ATP10A: variants seen among roughly 807,000 people sequenced by gnomAD.
ATP10A encodes phospholipid-transporting ATPase VA.
ATP10A carries 111 observed loss-of-function variants against 147.8 expected under a neutral mutation model. That is an observed-to-expected ratio of 0.75 (90% CI 0.64 to 0.88). The LOEUF (loss-of-function observed/expected upper bound fraction) is 0.88. Among genes scored for constraint, ATP10A ranks in the 40% least tolerant of loss-of-function variants. The pLI is 0.00. For missense variants in ATP10A, 1,927 were observed against 1,959.0 expected, an observed-to-expected ratio of 0.98 and a Z score of 0.31; for synonymous variants, 875 against 841.6, an observed-to-expected ratio of 1.04 and a Z score of -0.69.
intron 2 of ATP10A, among the ~76,000 whole-genome samples, chr15:25,776,075 G>A (rs754597424): frequency 6.6e-6 from 1 of 152,220 alleles, no homozygotes; most frequent in Non-Finnish European, 1.5e-5. Context: ...TAAATGCTCA[G>A]TACGTATCTG....
At chr15:25,736,620 G>T (rs1288493134) in intron 2 of ATP10A, among the ~76,000 whole-genome samples, 1 of 152,196 alleles carries the variant, frequency 6.6e-6, no homozygotes, top group East Asian at 1.9e-4. Flanking sequence ...GCCAATGAGT[G>T]AGCCAACAAC....
intron 10 of ATP10A, among the ~76,000 whole-genome samples, chr15:25,713,184 T>C (rs1272694001): frequency 6.6e-6 from 1 of 152,060 alleles, no homozygotes; most frequent in Non-Finnish European, 1.5e-5. Flanking sequence ...GAGAGGTGGG[T>C]GGCCAGGTTC....
chr15:25,784,213 T>C (rs931005459), intron 1 of ATP10A, among the ~76,000 whole-genome samples: 1 of 152,172 alleles, frequency 6.6e-6, no homozygotes, highest in African/African-American at 2.4e-5. Context: ...AGTCACAGTT[T>C]GCTCTCAGAG....
At chr15:25,747,305 A>G (rs1274381702) in intron 2 of ATP10A, among the ~76,000 whole-genome samples, 7 of 136,016 alleles carry the variant, frequency 5.1e-5, no homozygotes, top group Middle Eastern at 3.7e-3. Flanking sequence ...AAAAAAAAAA[A>G]AGAAAAAGAA....
intron 1 of ATP10A, among the ~76,000 whole-genome samples, chr15:25,820,371 T>A (rs1367850847): frequency 7.2e-5 from 11 of 152,142 alleles, no homozygotes; most frequent in Admixed American, 7.2e-4. Flanking sequence ...TCTGAAAGAC[T>A]TAAAAAGGAA....
At position 25,713,822 on chromosome 15, in the gene ATP10A, G is replaced by A. The variant is rs1037764672; in HGVS notation, c.2196C>T (p.Leu732=). The A allele has an allele frequency of 6.2e-7, 1 of 1,613,952 alleles. No individual in the cohort carries two copies. The highest frequency in any genetic ancestry group is 8.5e-7 in the Non-Finnish European group (1 of 1,180,036). The change falls in exon 10 of 21, where the codon CTC becomes CTT. Residue 732 remains leucine (L), a synonymous_variant. Coordinates refer to ENST00000555815, the MANE Select transcript of ATP10A (RefSeq NM_024490.4). Reference sequence around the variant, plus strand: ...CCAGTGTGTGCAGGAGCTCGAAGGTGAGCCTGCCCAGGTGGGGCAGCTCCA... The same window carrying A: ...CCAGTGTGTGCAGGAGCTCGAAGGTAAGCCTGCCCAGGTGGGGCAGCTCCA... The part of the protein sequence containing the change: ...VSVELPHLGR[L]TFELLHTLGF...
chr15:25,724,854 C>T (rs1264152396), intron 5 of ATP10A, among the ~76,000 whole-genome samples: 4 of 152,174 alleles, frequency 2.6e-5, no homozygotes, highest in Admixed American at 6.5e-5. Context: ...TGGATTCAAC[C>T]AACCATGGAC....
At chr15:25,774,859 G>A (rs901955498) in intron 2 of ATP10A, among the ~76,000 whole-genome samples, 1 of 152,084 alleles carries the variant, frequency 6.6e-6, no homozygotes, top group African/African-American at 2.4e-5. Flanking sequence ...TTATTGTATT[G>A]TCAAAGTCAT....
chr15:25,819,199 A>T (rs565904847), intron 1 of ATP10A, among the ~76,000 whole-genome samples: 1 of 152,336 alleles, frequency 6.6e-6, no homozygotes, highest in African/African-American at 2.4e-5. Flanking sequence ...ATTAACATCC[A>T]GAATTTACAA....
intron 2 of ATP10A, among the ~76,000 whole-genome samples, chr15:25,772,042 G>A (rs1315102635): frequency 1.3e-5 from 2 of 152,106 alleles, no homozygotes; most frequent in Non-Finnish European, 2.9e-5. Flanking sequence ...GTGAGCCATC[G>A]CGCCCGGCCT....
At chr15:25,673,275 G>A (rs978892762), downstream of ATP10A, among the ~76,000 whole-genome samples, 2 of 152,156 alleles carry the variant, frequency 1.3e-5, no homozygotes, top group African/African-American at 2.4e-5. Flanking sequence ...GGGCGGAGGA[G>A]GCCCCTGCTA....
At chr15:25,796,274 G>T (rs1158472452) in intron 1 of ATP10A, among the ~76,000 whole-genome samples, 1 of 152,110 alleles carries the variant, frequency 6.6e-6, no homozygotes, top group Non-Finnish European at 1.5e-5. Flanking sequence ...GTGTGGTGGT[G>T]TACCCCTGTG....
At position 25,786,641 on chromosome 15, in the gene ATP10A, T is replaced by TTC. The variant is rs1349879490; in HGVS notation, c.450-5419_450-5418insGA. ...TCTTTTTTTTTTTTTTTTTTTTTTT[T>TTC]TTGAGGCGGAGTCTCGCTCCATCCC... On this transcript the variant is annotated intron_variant, in intron 1 of 20. Coordinates refer to ENST00000555815, the MANE Select transcript of ATP10A (RefSeq NM_024490.4). Among the ~76,000 whole-genome samples the TTC allele has an allele frequency of 3.4e-4, 29 of 85,648 alleles. 1 individual carries two copies. The highest frequency in any genetic ancestry group is 9.8e-4 in the African/African-American group (23 of 23,362). 56.2% of individuals were successfully genotyped at this position (85,648 alleles called of 152,430 possible).
chr15:25,708,277 T>A lies in ATP10A; in HGVS notation c.2368A>T (p.Lys790Ter). The change falls in exon 11 of 21, where the codon AAA becomes TAA. Residue 790 changes from lysine to a stop codon, truncating the protein, a stop_gained. Transcript: ENST00000555815. LOFTEE classifies it high-confidence loss of function. ...TTCTGAGTTTTGCTCCGAATCTTTT[T>A]TTGATGCCTCCCTCTGGCGTCAACT... ...SSVDARGRHQ[K>*]KIRSKTQNYL... The A allele has an allele frequency of 6.2e-7, 1 of 1,614,194 alleles. No homozygotes were observed. The highest frequency in any genetic ancestry group is 8.5e-7 in the Non-Finnish European group (1 of 1,180,034).
Position 25,736,073 on chromosome 15 carries a change from A to G in ATP10A, c.723T>C (p.Ser241=). ...ATACTCACATGCAGCCGCGAAACCTACTCAGGTCGTTGTTTGGCTTCTCGC... is the reference window on the plus strand; with the variant it reads ...ATACTCACATGCAGCCGCGAAACCTGCTCAGGTCGTTGTTTGGCTTCTCGC... The part of the protein sequence containing the change: ...IECEKPNNDL[S]RFRGCIIHDN... Residue 241 remains serine (S), a synonymous_variant, in exon 3 of 21, where the codon AGT becomes AGC. Coordinates refer to ENST00000555815, the MANE Select transcript of ATP10A (RefSeq NM_024490.4). 1 of 1,613,690 alleles carries G rather than the reference A, an allele frequency of 6.2e-7. No homozygotes were observed. Among genetic ancestry groups the G allele is most frequent in the Non-Finnish European group, 8.5e-7 (1 of 1,179,922 alleles).
At chr15:25,702,466 G>A (rs538562809) in intron 12 of ATP10A, among the ~76,000 whole-genome samples, 17 of 152,318 alleles carry the variant, frequency 1.1e-4, no homozygotes, top group African/African-American at 4.1e-4. Context: ...AAGGTGTTGG[G>A]AATGACGATA....
intron 2 of ATP10A, among the ~76,000 whole-genome samples, chr15:25,770,114 C>G (rs1889256606): frequency 6.6e-6 from 1 of 152,292 alleles, no homozygotes; most frequent in East Asian, 1.9e-4. Context: ...TATGGCAGCC[C>G]AAGCCAACTA....
At chr15:25,736,754 A>T (rs1887310421) in intron 2 of ATP10A, among the ~76,000 whole-genome samples, 1 of 152,112 alleles carries the variant, frequency 6.6e-6, no homozygotes, top group Non-Finnish European at 1.5e-5. Flanking sequence ...GAGTGGGGGG[A>T]AGGAGGAAGA....
At chr15:25,779,919 G>A (rs1486291833) in intron 2 of ATP10A, among the ~76,000 whole-genome samples, 4 of 150,982 alleles carry the variant, frequency 2.6e-5, no homozygotes, top group Admixed American at 6.6e-5. Flanking sequence ...AAATCAGCCC[G>A]GTTGGAACAG....
Sources: allele counts gnomAD v4.1 joint callset (sites outside exome capture counted in the v4.1 genomes callset), GRCh38; gene constraint gnomAD v4.1.1; transcripts MANE v1.5; gene names NCBI Gene and HGNC (gene_info 2026-07-23, HGNC 2026-07-21).